SARS2: variants seen among roughly 807,000 people sequenced by gnomAD.
SARS2 encodes seryl-tRNA synthetase 2, mitochondrial.
A neutral mutation model predicts 66.8 loss-of-function variants in SARS2; 52 were observed. The observed-to-expected ratio is 0.78, with a 90% CI of 0.62 to 0.98. The LOEUF is 0.98. SARS2 is among the 50% of genes least tolerant of loss of function. SARS2 has a pLI of 0.00. For missense variants in SARS2, 673 were observed against 706.3 expected (o/e 0.95, Z 0.53); for synonymous variants, 306 against 281.4 (o/e 1.09, Z -0.87).
intron 5 of SARS2, among the ~76,000 whole-genome samples, chr19:38,921,068 G>GAC (rs1488825110): frequency 7.1e-5 from 5 of 70,642 alleles, no homozygotes; most frequent in African/African-American, 1.2e-4. Context: ...CACACATACA[G>GAC]ATACAGACAC....
In SARS2 at chr19:38,926,200, C is replaced by T; in HGVS notation, c.363+5G>A. The T allele has an allele frequency of 2.5e-6, 4 of 1,604,652 alleles. No individual in the cohort carries two copies. Among genetic ancestry groups the T allele is most frequent in the Non-Finnish European group, 3.4e-6 (4 of 1,179,154 alleles). ...CTCCCCACCTACTCAGGGCACCATG[C>T]TCACCAGCAGGGCCCGCACTGCCTC... On this transcript the variant is annotated splice_donor_5th_base_variant and intron_variant, in intron 2 of 15. Coordinates refer to ENST00000221431, the MANE Select transcript of SARS2 (RefSeq NM_017827.4).
chr19:38,918,854 T>G, intron 7 of SARS2, 41 bp from the exon 8 acceptor site: 4 of 1,544,146 alleles, frequency 2.6e-6, no homozygotes, highest in African/African-American at 1.4e-5. Flanking sequence ...CTGGGACCCC[T>G]ACCAGACCCC....
At chr19:38,921,911 G>A (rs1974543539) in intron 3 of SARS2, 3 of 1,460,748 alleles carry the variant, frequency 2.1e-6, no homozygotes, top group Middle Eastern at 1.7e-4. Context: ...TCAGAGACAG[G>A]CACCTGATGT....
At chr19:38,915,941 C>T (rs1974405580) in intron 14 of SARS2, 35 bp from the exon 15 acceptor site, 1 of 1,613,198 alleles carries the variant, frequency 6.2e-7, no homozygotes, top group African/African-American at 1.3e-5. Context: ...TGGCGCCCAC[C>T]CCAAGCTGAG....
intron 9 of SARS2, 105 bp from the exon 10 acceptor site, chr19:38,918,244 C>T: frequency 1.5e-6 from 2 of 1,296,202 alleles, no homozygotes; most frequent in Non-Finnish European, 2.2e-6. Context: ...CAGGTCAAGG[C>T]CCGGGGCTGG....
In SARS2 at chr19:38,916,028, G is replaced by A. The variant is rs371086137; in HGVS notation, c.1347+9C>T. On this transcript the variant is annotated intron_variant, in intron 14 of 15. Transcript: ENST00000221431. ...AGGGCACGCGGGCAGGAGGCTGTGC[G>A]GGCCTCACCGTGTGGGCAAACTGCA... is the stretch of plus-strand genomic sequence containing the variant. 56 of 1,613,232 alleles carry A rather than the reference G, an allele frequency of 3.5e-5. No individual in the cohort carries two copies. Among genetic ancestry groups the A allele is most frequent in the East Asian group, 3.3e-4 (15 of 44,876 alleles).
rs1398149282 is a variant in SARS2, at chr19:38,915,873, G to C, written c.1381C>G (p.Leu461Val). Residue 461 changes from leucine to valine, a missense_variant, in exon 15 of 16, where the codon CTC (leucine) becomes GTC (valine). Transcript: ENST00000221431. ...NATACAVPRL[L>V]IALLESNQQK... ...TGGTTACTCTCCAGGAGCGCGATGA[G>C]AAGGCGGGGGACAGCACAGGCGGTG... 3.1e-6 allele frequency: 5 copies of C among 1,613,938 alleles called. No homozygotes were observed. Among genetic ancestry groups the C allele is most frequent in the Non-Finnish European group, 4.2e-6 (5 of 1,180,002 alleles).
rs1053057037 is a variant in SARS2, at chr19:38,922,171, C to T, written c.393+67G>A. ...TTGTTTTCTGTTACAATAGTAGAAT[C>T]GTGACTGGCAGGGTATCCTCCCTGC... On this transcript the variant is annotated intron_variant, in intron 3 of 15. Coordinates refer to ENST00000221431, the MANE Select transcript of SARS2 (RefSeq NM_017827.4). The T allele has an allele frequency of 5.1e-5, 81 of 1,600,032 alleles. 1 individual carries two copies. The highest frequency in any genetic ancestry group is 1.0e-4 in the Admixed American group (6 of 59,964).
chr19:38,918,946 C>T (rs1974469660), intron 7 of SARS2, 133 bp from the exon 8 acceptor site: 1 of 812,608 alleles, frequency 1.2e-6, no homozygotes, highest in Non-Finnish European at 2.0e-6. Flanking sequence ...CAGTGGCTCA[C>T]CCATGTAATC....
intron 9 of SARS2, 73 bp from the exon 10 acceptor site, chr19:38,918,212 C>CT (rs1974453671): frequency 2.7e-6 from 4 of 1,496,082 alleles, no homozygotes; most frequent in Non-Finnish European, 3.7e-6. Context: ...TTAAGAGGCA[C>CT]TCCCTCTGGT....
At chr19:38,925,977 G>A (rs181197277) in intron 2 of SARS2, among the ~76,000 whole-genome samples, 119 of 152,124 alleles carry the variant, frequency 7.8e-4, no homozygotes, top group African/African-American at 2.7e-3. Flanking sequence ...CCGCCATGCC[G>A]CCTAACTTTT....
intron 1 of SARS2, among the ~76,000 whole-genome samples, chr19:38,927,575 C>A (rs1974649772): frequency 6.7e-6 from 1 of 149,932 alleles, no homozygotes; most frequent in Non-Finnish European, 1.5e-5. Context: ...GAGACCTTGT[C>A]TCCAAAAAAA....
At chr19:38,922,107 A>G (rs761612191) in intron 3 of SARS2, 131 bp downstream of exon 3, 11 of 1,601,008 alleles carry the variant, frequency 6.9e-6, no homozygotes, top group Middle Eastern at 1.7e-4. Flanking sequence ...TCATGCATCA[A>G]TAGAGCCTAT....
chr19:38,927,139 T>C (rs1160639041), intron 1 of SARS2, among the ~76,000 whole-genome samples: 2 of 151,802 alleles, frequency 1.3e-5, no homozygotes, highest in Admixed American at 6.6e-5. Context: ...GGTTTCACCA[T>C]GTTGGCCAGG....
In SARS2 at chr19:38,915,280, T is replaced by G; in HGVS notation, c.*326A>C. ...CCACAGAGGCCTTTGTCCTGACCAT[T>G]TATTGGGGACTTTTTGCTCAGCACT... On this transcript the variant is annotated 3_prime_UTR_variant, in exon 16 of 16. Coordinates refer to ENST00000221431, the MANE Select transcript of SARS2 (RefSeq NM_017827.4). 1 of 496,778 alleles carries G rather than the reference T, an allele frequency of 2.0e-6. No homozygotes were observed. Among genetic ancestry groups the G allele is most frequent in the East Asian group, 3.0e-5 (1 of 32,916 alleles). The allele number at this position is 496,778 out of a possible 1,614,324, so 30.8% of individuals were successfully genotyped here. A position where few individuals can be genotyped will look rare whatever the true frequency, so the allele number is the denominator to read the frequency against.
chr19:38,923,846 C>T lies in SARS2; in HGVS notation c.364-1579G>A, dbSNP rs1440228038. Among the ~76,000 whole-genome samples the T allele has an allele frequency of 5.9e-5, 9 of 152,106 alleles. No homozygotes were observed. The East Asian group carries it at 7.8e-4, about 13-fold the overall frequency. ...AAAATTAGCTGGGCGCGGTGGCGGG[C>T]GCCTGTAGTCCCAGCTACTCGGGAG... On this transcript the variant is annotated intron_variant, in intron 2 of 15. Transcript: ENST00000221431.
In SARS2 at chr19:38,916,027, C is replaced by G. The variant is rs376335678; in HGVS notation, c.1347+10G>C. 2 of 1,613,040 alleles carry G rather than the reference C, an allele frequency of 1.2e-6. No individual in the cohort carries two copies. Among genetic ancestry groups the G allele is most frequent in the Non-Finnish European group, 1.7e-6 (2 of 1,179,738 alleles). On this transcript the variant is annotated intron_variant, in intron 14 of 15. Coordinates refer to ENST00000221431, the MANE Select transcript of SARS2 (RefSeq NM_017827.4). Reference sequence around the variant, plus strand: ...GAGGGCACGCGGGCAGGAGGCTGTGCGGGCCTCACCGTGTGGGCAAACTGC... The same window carrying G: ...GAGGGCACGCGGGCAGGAGGCTGTGGGGGCCTCACCGTGTGGGCAAACTGC...
Position 38,915,610 on chromosome 19 carries a change from C to A in SARS2, c.1553G>T (p.Ser518Ile), listed in dbSNP as rs1161501882. 6.2e-7 allele frequency: 1 copy of A among 1,612,010 alleles called. No homozygotes were observed. The highest frequency in any genetic ancestry group is 8.5e-7 in the Non-Finnish European group (1 of 1,179,780). ...KPGLPGQPAVS is the reference protein window; with the variant it reads ...KPGLPGQPAVI The stretch of plus-strand genomic sequence containing the variant: ...AGGGCTGCTGTGGGTGGGTTCTTAG[C>A]TTACAGCAGGCTGGCCAGGCAGCCC... The change falls in exon 16 of 16, where the codon AGC becomes ATC. Residue 518 changes from serine (S) to isoleucine (I), a missense_variant. Ser to Ile is a moderately radical substitution (Grantham distance 142). Coordinates refer to ENST00000221431, the MANE Select transcript of SARS2 (RefSeq NM_017827.4).
intron 1 of SARS2, chr19:38,929,996 A>G (rs536983249): frequency 1.1e-3 from 169 of 158,726 alleles, no homozygotes; most frequent in Middle Eastern, 9.7e-3. Context: ...GGATTCATTC[A>G]TTCATTCATT....
Sources: gnomAD v4.1 joint callset for allele counts (sites outside exome capture counted in the v4.1 genomes callset) on GRCh38, gnomAD v4.1.1 for gene constraint, MANE v1.5 for transcripts, NCBI Gene and HGNC (gene_info 2026-07-23, HGNC 2026-07-21) for gene names.